TBC1D5: variants seen among roughly 807,000 people sequenced by gnomAD.
TBC1D5 encodes TBC1 domain family, member 5.
A neutral mutation model predicts 100.3 loss-of-function variants in TBC1D5; 75 were observed. The ratio of observed to expected loss-of-function variants is 0.75; its 90% CI spans 0.62 to 0.91. The LOEUF (loss-of-function observed/expected upper bound fraction) is 0.91. Among genes scored for constraint, TBC1D5 ranks in the 40% least tolerant of loss-of-function variants. The pLI, the probability that TBC1D5 is intolerant of heterozygous loss-of-function variation, is 0.00. For missense variants in TBC1D5, 910 were observed against 942.4 expected (o/e 0.97, Z 0.45); for synonymous variants, 323 against 325.6 (o/e 0.99, Z 0.09).
chr3:17,308,116 T>G (rs367633728), exon 14 of TBC1D5: 2 of 1,594,924 alleles, frequency 1.3e-6, no homozygotes, highest in East Asian at 2.3e-5. Context: ...CTCGTCCAAA[T>G]AGCAGCCGCA....
chr3:17,469,159 G>GA lies in TBC1D5; in HGVS notation c.97+39314dup, dbSNP rs1039079391. ...GGACTAGAATTAAGTACCAAGAACT[G>GA]AAAAAAAAATTATTAAAAAGATACA... On this transcript the variant is annotated intron_variant, in intron 3 of 21. Transcript: ENST00000253692. 1.2e-3 allele frequency among the ~76,000 whole-genome samples: 176 copies of GA among 150,056 alleles called. 1 individual carries two copies. The highest frequency in any genetic ancestry group is 3.9e-3 in the African/African-American group (159 of 40,958).
chr3:17,248,832 C>G (rs2076959199), intron 16 of TBC1D5, among the ~76,000 whole-genome samples: 1 of 152,184 alleles, frequency 6.6e-6, no homozygotes, highest in Non-Finnish European at 1.5e-5. Flanking sequence ...CCTGTTTCAT[C>G]TATACCGAAA....
chr3:17,621,361 C>T (rs576122439), intron 2 of TBC1D5, among the ~76,000 whole-genome samples: 1 of 152,242 alleles, frequency 6.6e-6, no homozygotes, highest in South Asian at 2.1e-4. Flanking sequence ...AGATCTTGTT[C>T]GCTAATATTA....
chr3:17,678,884 A>AG (rs1376917673), intron 1 of TBC1D5, among the ~76,000 whole-genome samples: 1 of 151,120 alleles, frequency 6.6e-6, no homozygotes, highest in Admixed American at 6.6e-5. Flanking sequence ...GGAAAAAAAA[A>AG]GTGGTGGACA....
chr3:17,216,686 C>T (rs541429435), intron 17 of TBC1D5, among the ~76,000 whole-genome samples: 1 of 152,074 alleles, frequency 6.6e-6, no homozygotes, highest in South Asian at 2.1e-4. Flanking sequence ...CACCCACCAC[C>T]AGGACTCTAG....
At chr3:17,528,625 C>G (rs758388455) in intron 2 of TBC1D5, among the ~76,000 whole-genome samples, 10 of 151,978 alleles carry the variant, frequency 6.6e-5, no homozygotes, top group East Asian at 5.8e-4. Context: ...CCTCTTTCAC[C>G]CCCCCATTCT....
intron 14 of TBC1D5, among the ~76,000 whole-genome samples, chr3:17,296,106 A>G (rs2082227990): frequency 1.3e-5 from 2 of 152,254 alleles, no homozygotes; most frequent in South Asian, 4.1e-4. Context: ...TCAGTGTCAA[A>G]GGCCAAGAAT....
chr3:17,562,245 C>G (rs2096563816), intron 2 of TBC1D5: 1 of 151,720 alleles, frequency 6.6e-6, no homozygotes, highest in Non-Finnish European at 1.5e-5. Flanking sequence ...AAAAAACCCA[C>G]AAATAGTATT....
chr3:17,599,760 C>G (rs549389853), intron 2 of TBC1D5, among the ~76,000 whole-genome samples: 1 of 152,316 alleles, frequency 6.6e-6, no homozygotes, highest in African/African-American at 2.4e-5. Flanking sequence ...CATGCTCCCC[C>G]TCCTGCAAGG....
intron 15 of TBC1D5, among the ~76,000 whole-genome samples, chr3:17,270,404 C>G (rs1189172793): frequency 6.6e-6 from 1 of 152,028 alleles, no homozygotes; most frequent in Non-Finnish European, 1.5e-5. Flanking sequence ...GCTATCAGTC[C>G]CGCAGCAATG....
At chr3:17,225,447 A>C (rs1450718739) in intron 17 of TBC1D5, among the ~76,000 whole-genome samples, 1 of 150,464 alleles carries the variant, frequency 6.6e-6, no homozygotes, top group Non-Finnish European at 1.5e-5. Context: ...CTCAAAAAAA[A>C]AAAAAAAAAC....
intron 15 of TBC1D5, among the ~76,000 whole-genome samples, chr3:17,275,894 C>G (rs2079946687): frequency 6.6e-6 from 1 of 152,164 alleles, no homozygotes; most frequent in Non-Finnish European, 1.5e-5. Flanking sequence ...CCATCTGCTT[C>G]TACCTGATAC....
chr3:17,238,468 C>G lies in TBC1D5; in HGVS notation c.1332-49G>C, dbSNP rs765819914. The G allele has an allele frequency of 6.4e-6, 10 of 1,559,042 alleles. No individual in the cohort carries two copies. In the East Asian group the frequency reaches 2.3e-4, roughly 35 times the overall value. ...GCATTATTTACATTAGAGGATGATT[C>G]TATTTCACATAATTAATTGGTATAA... is the stretch of plus-strand genomic sequence containing the variant. On this transcript the variant is annotated intron_variant, in intron 16 of 21. Transcript: ENST00000253692.
At chr3:17,268,292 T>C (rs2079038171) in intron 15 of TBC1D5, among the ~76,000 whole-genome samples, 1 of 152,190 alleles carries the variant, frequency 6.6e-6, no homozygotes, top group African/African-American at 2.4e-5. Flanking sequence ...TTAATAATAA[T>C]GATTGGAAAA....
rs141223774 is a variant in TBC1D5, at chr3:17,459,726, G to A, written c.98-31207C>T. 6.8e-3 allele frequency among the ~76,000 whole-genome samples: 1,015 copies of A among 148,984 alleles called. 13 individuals are homozygous for A. The highest frequency in any genetic ancestry group is 0.024 in the African/African-American group (976 of 40,394). ...CAGCCTGGGCAACATTAGTGTAACC[G>A]ATCTCTTAAAGGAAAAAAAAAAAAA... is the stretch of plus-strand genomic sequence containing the variant. On this transcript the variant is annotated intron_variant, in intron 3 of 21. Coordinates refer to ENST00000253692, the Ensembl canonical transcript of TBC1D5.
intron 15 of TBC1D5, among the ~76,000 whole-genome samples, chr3:17,279,303 A>G (rs2080338886): frequency 6.6e-6 from 1 of 152,176 alleles, no homozygotes; most frequent in Non-Finnish European, 1.5e-5. Context: ...CATTTAAGAT[A>G]ATGCAACCCA....
intron 13 of TBC1D5, among the ~76,000 whole-genome samples, chr3:17,332,723 A>C (rs927768250): frequency 2.6e-5 from 4 of 152,202 alleles, no homozygotes; most frequent in African/African-American, 9.6e-5. Context: ...AATATATCAC[A>C]AAAGAGGAAG....
intron 3 of TBC1D5, among the ~76,000 whole-genome samples, chr3:17,439,972 T>C (rs2094615739): frequency 6.6e-6 from 1 of 152,172 alleles, no homozygotes; most frequent in Non-Finnish European, 1.5e-5. Context: ...AACTTTGTCA[T>C]AAATTTAGAT....
At chr3:17,687,038 T>C (rs1421183118) in intron 1 of TBC1D5, among the ~76,000 whole-genome samples, 1 of 152,148 alleles carries the variant, frequency 6.6e-6, no homozygotes, top group East Asian at 1.9e-4. Flanking sequence ...TAGTGAAATA[T>C]CCTGGATAAA....
Sources: allele counts gnomAD v4.1 joint callset (sites outside exome capture counted in the v4.1 genomes callset), GRCh38; gene constraint gnomAD v4.1.1; transcripts MANE v1.5; gene names NCBI Gene and HGNC (gene_info 2026-07-23, HGNC 2026-07-21).